GMDS: variants seen among roughly 807,000 people sequenced by gnomAD.
The protein encoded by GMDS is GDP-mannose 4,6 dehydratase.
GMDS carries 20 observed loss-of-function variants against 49.9 expected under a neutral mutation model. The observed-to-expected ratio is 0.40, with a 90% CI of 0.28 to 0.58. The LOEUF is 0.58. GMDS is among the 20% of genes least tolerant of loss of function. GMDS has a pLI of 0.42. For synonymous variants in GMDS, 177 were observed against 178.6 expected (o/e 0.99, Z 0.07); for missense variants, 362 against 481.4 (o/e 0.75, Z 2.32).
At chr6:2,047,962 T>C (rs1379661369) in intron 4 of GMDS, among the ~76,000 whole-genome samples, 3 of 152,208 alleles carry the variant, frequency 2.0e-5, no homozygotes, top group Non-Finnish European at 4.4e-5. Context: ...TAGATGAAGC[T>C]ATATCAATGT....
intron 6 of GMDS, among the ~76,000 whole-genome samples, chr6:1,944,535 T>G (rs928211698): frequency 1.3e-5 from 2 of 151,562 alleles, no homozygotes; most frequent in African/African-American, 4.8e-5. Flanking sequence ...CCAGGCGTGG[T>G]GGCGGGCGCC....
intron 9 of GMDS, among the ~76,000 whole-genome samples, chr6:1,719,646 T>C (rs1027236600): frequency 6.7e-6 from 1 of 149,956 alleles, no homozygotes; most frequent in Non-Finnish European, 1.5e-5. Context: ...AGAGAGGGAT[T>C]TTTTAGATTT....
At chr6:2,198,615 G>T (rs1273155096) in intron 1 of GMDS, among the ~76,000 whole-genome samples, 3 of 150,952 alleles carry the variant, frequency 2.0e-5, no homozygotes, top group Non-Finnish European at 3.0e-5. Context: ...CTGCAGAGAA[G>T]AAATGAATAA....
intron 4 of GMDS, among the ~76,000 whole-genome samples, chr6:2,083,213 G>A (rs114568202): frequency 0.013 from 1,923 of 152,224 alleles, 44 homozygotes; most frequent in African/African-American, 0.044. Flanking sequence ...ACTTTAGCAC[G>A]ATGTCGAGCA....
intron 1 of GMDS, among the ~76,000 whole-genome samples, chr6:2,194,277 A>T (rs1342248510): frequency 6.6e-6 from 1 of 152,172 alleles, no homozygotes; most frequent in African/African-American, 2.4e-5. Context: ...TAATCTTTGA[A>T]TGTTCTTTAA....
chr6:2,228,508 T>A (rs1581828811), intron 1 of GMDS, among the ~76,000 whole-genome samples: 1 of 152,190 alleles, frequency 6.6e-6, no homozygotes, highest in African/African-American at 2.4e-5. Flanking sequence ...CCCTTCCCCA[T>A]CCCCAGGGCA....
At chr6:1,839,573 T>G (rs565041464) in intron 7 of GMDS, among the ~76,000 whole-genome samples, 3 of 152,348 alleles carry the variant, frequency 2.0e-5, no homozygotes, top group South Asian at 4.1e-4. Flanking sequence ...GCTTTTAAAC[T>G]GGTTGTGTAC....
chr6:1,724,746 A>T (rs1766510517), intron 9 of GMDS, among the ~76,000 whole-genome samples: 1 of 152,214 alleles, frequency 6.6e-6, no homozygotes, highest in African/African-American at 2.4e-5. Flanking sequence ...TCCAGTCGGC[A>T]GTCCCTGCTA....
At chr6:1,672,918 C>T (rs1384646067) in intron 9 of GMDS, among the ~76,000 whole-genome samples, 3 of 152,180 alleles carry the variant, frequency 2.0e-5, no homozygotes, top group African/African-American at 7.2e-5. Flanking sequence ...CTGGATGTGA[C>T]AAAAGAAACA....
chr6:2,095,670 G>A (rs1343890965), intron 4 of GMDS, among the ~76,000 whole-genome samples: 2 of 150,776 alleles, frequency 1.3e-5, no homozygotes, highest in East Asian at 4.4e-4. Flanking sequence ...AGATTTCATA[G>A]ACAGAGCACT....
intron 9 of GMDS, among the ~76,000 whole-genome samples, chr6:1,725,036 A>G (rs1242128845): frequency 6.6e-6 from 1 of 152,180 alleles, no homozygotes; most frequent in Non-Finnish European, 1.5e-5. Flanking sequence ...ATGATGACCG[A>G]TTCACTTTCA....
At chr6:1,868,503 C>G (rs991642589) in intron 7 of GMDS, among the ~76,000 whole-genome samples, 1 of 152,174 alleles carries the variant, frequency 6.6e-6, no homozygotes, top group African/African-American at 2.4e-5. Context: ...ATTCAGGGAG[C>G]ACAAGTGGAT....
intron 7 of GMDS, among the ~76,000 whole-genome samples, chr6:1,771,570 T>C (rs1039916889): frequency 2.6e-5 from 4 of 152,228 alleles, no homozygotes; most frequent in African/African-American, 9.6e-5. Flanking sequence ...TCTGAGTAAA[T>C]TGGATGCATG....
rs149173111 is a variant in GMDS at position 1,725,519 on chromosome 6, C to T, written c.987+897G>A. Among the ~76,000 whole-genome samples, 253 of 152,162 alleles carry T rather than the reference C, an allele frequency of 1.7e-3. 2 individuals are homozygous for T. The highest frequency in any genetic ancestry group is 0.01 in the Middle Eastern group (3 of 294). On this transcript the variant is annotated intron_variant, in intron 9 of 10. Transcript: ENST00000380815. The stretch of plus-strand genomic sequence containing the variant: ...CGCGATCTCGGCTCACTGCAACCTC[C>T]GCCTCCTGGGTTCAAGCGATTCTCC...
chr6:1,906,736 G>A (rs1253297510), intron 7 of GMDS, among the ~76,000 whole-genome samples: 9 of 152,260 alleles, frequency 5.9e-5, no homozygotes, highest in Admixed American at 5.9e-4. Flanking sequence ...TAGAGGGCAG[G>A]GAGGGAGGAC....
intron 1 of GMDS, among the ~76,000 whole-genome samples, chr6:2,161,389 T>C (rs1777393683): frequency 6.6e-6 from 1 of 152,174 alleles, no homozygotes; most frequent in Non-Finnish European, 1.5e-5. Flanking sequence ...AAACAAGCTG[T>C]TAAATAGTAA....
At chr6:1,837,727 C>T (rs534545372) in intron 7 of GMDS, among the ~76,000 whole-genome samples, 78 of 152,312 alleles carry the variant, frequency 5.1e-4, no homozygotes, top group African/African-American at 1.8e-3. Flanking sequence ...GATATTCTTT[C>T]AGGCTAATGA....
intron 9 of GMDS, among the ~76,000 whole-genome samples, chr6:1,648,298 A>G (rs1440624698): frequency 6.6e-6 from 1 of 152,202 alleles, no homozygotes; most frequent in Non-Finnish European, 1.5e-5. Flanking sequence ...GATACATTTC[A>G]TGTTTCCAAT....
At position 1,623,875 on chromosome 6, in the gene GMDS, G is replaced by T. The variant is rs1368704518; in HGVS notation, c.*294C>A. On this transcript the variant is annotated 3_prime_UTR_variant, in exon 11 of 11. Coordinates refer to ENST00000380815, the MANE Select transcript of GMDS (RefSeq NM_001500.4). Reference sequence around the variant, plus strand: ...CAATTTGAAGGCCCCACAATTTGTTGTGTAACAACATAATTTCAAGTAAAG... The same window carrying T: ...CAATTTGAAGGCCCCACAATTTGTTTTGTAACAACATAATTTCAAGTAAAG... 2 of 425,378 alleles carry T rather than the reference G, an allele frequency of 4.7e-6. No individual in the cohort carries two copies. The highest frequency in any genetic ancestry group is 4.1e-5 in the African/African-American group (2 of 48,432). The allele number at this position is 425,378 out of a possible 1,614,324, so 26.4% of individuals were successfully genotyped here. A position where few individuals can be genotyped will look rare whatever the true frequency, so the allele number is the denominator to read the frequency against.
Sources: gnomAD v4.1 joint callset for allele counts (sites outside exome capture counted in the v4.1 genomes callset) on GRCh38, gnomAD v4.1.1 for gene constraint, MANE v1.5 for transcripts, NCBI Gene and HGNC (gene_info 2026-07-23, HGNC 2026-07-21) for gene names.